Variants in MLC1 observed in about 807,000 individuals in gnomAD.
The protein encoded by MLC1 is modulator of VRAC current 1, also known as membrane protein MLC1.
A neutral mutation model predicts 44.7 loss-of-function variants in MLC1; 32 were observed. The ratio of observed to expected loss-of-function variants is 0.72; its 90% CI spans 0.54 to 0.96. MLC1 has a LOEUF of 0.96. MLC1 is among the 40% of genes least tolerant of loss of function. The pLI is 0.00. For missense variants in MLC1, 459 were observed against 492.2 expected, an observed-to-expected ratio of 0.93 and a Z score of 0.64; for synonymous variants, 190 against 213.0, an observed-to-expected ratio of 0.89 and a Z score of 0.94.
intron 3 of MLC1, among the ~76,000 whole-genome samples, chr22:50,081,123 C>G (rs1569251014): frequency 6.6e-6 from 1 of 151,792 alleles, no homozygotes; most frequent in East Asian, 1.9e-4. Context: ...GCGGGTGGAT[C>G]AGAGTCAGGA....
At chr22:50,070,720 A>G (rs1348847756) in intron 8 of MLC1, 137 bp from the exon 9 acceptor site, 5 of 922,692 alleles carry the variant, frequency 5.4e-6, no homozygotes, top group South Asian at 2.8e-5. Flanking sequence ...GGGATGGTGC[A>G]GTGCCCAAAG....
intron 3 of MLC1, among the ~76,000 whole-genome samples, chr22:50,080,956 G>A (rs141924887): frequency 6.8e-6 from 1 of 146,086 alleles, no homozygotes; most frequent in East Asian, 2.0e-4. Flanking sequence ...CCAGGAGTTC[G>A]AGGCTGCAGT....
intron 7 of MLC1, among the ~76,000 whole-genome samples, chr22:50,075,747 GGAAC>G (rs2061965074): frequency 6.6e-6 from 1 of 151,814 alleles, no homozygotes; most frequent in Non-Finnish European, 1.5e-5. Context: ...GAACGGAAAT[GGAAC>G]CTAAGAGAGG....
chr22:50,072,165 G>A (rs1490628715), intron 8 of MLC1, among the ~76,000 whole-genome samples: 1 of 152,242 alleles, frequency 6.6e-6, no homozygotes, highest in Admixed American at 6.5e-5. Context: ...GGGCCCCAGT[G>A]AGCCATGGGA....
intron 5 of MLC1, among the ~76,000 whole-genome samples, chr22:50,078,690 G>C (rs1342902384): frequency 6.6e-6 from 1 of 150,440 alleles, no homozygotes; most frequent in Non-Finnish European, 1.5e-5. Flanking sequence ...CGTGAGCCGA[G>C]ATGGAGCCAC....
chr22:50,075,902 G>A (rs531528265), intron 7 of MLC1, among the ~76,000 whole-genome samples: 84 of 152,178 alleles, frequency 5.5e-4, no homozygotes, highest in African/African-American at 1.1e-3. Context: ...AGGCCAAGGC[G>A]GAGGGAAGGG....
In MLC1 at chr22:50,074,312, G is replaced by A. The variant is rs1196525130; in HGVS notation, c.618C>T (p.Gly206=). Residue 206 remains glycine (G), a synonymous_variant, in exon 8 of 12, where the codon GGC becomes GGT. Transcript: ENST00000311597. ...TGATCCCCCCGAGGACGGCAGAGATGCCTGCGATTACCTCGACGACCTGGA... is the reference window on the plus strand; with the variant it reads ...TGATCCCCCCGAGGACGGCAGAGATACCTGCGATTACCTCGACGACCTGGA... ...KSYSVVEVIA[G]ISAVLGGIIA... 1 of 1,614,102 alleles carries A rather than the reference G, an allele frequency of 6.2e-7. No homozygotes were observed. Among genetic ancestry groups the A allele is most frequent in the South Asian group, 1.1e-5 (1 of 91,086 alleles).
At chr22:50,073,848 C>T (rs2061917425) in intron 8 of MLC1, among the ~76,000 whole-genome samples, 1 of 152,078 alleles carries the variant, frequency 6.6e-6, no homozygotes, top group Non-Finnish European at 1.5e-5. Context: ...AAAGTAATAA[C>T]AGAAATATGC....
chr22:50,079,110 C>T (rs1362049391), intron 5 of MLC1, among the ~76,000 whole-genome samples: 1 of 152,080 alleles, frequency 6.6e-6, no homozygotes, highest in Non-Finnish European at 1.5e-5. Context: ...ATGGTGAAAC[C>T]TTGTCTGTAC....
At chr22:50,061,986 G>A (rs1428935393) in intron 11 of MLC1, among the ~76,000 whole-genome samples, 1 of 152,212 alleles carries the variant, frequency 6.6e-6, no homozygotes, top group Admixed American at 6.5e-5. Flanking sequence ...CCTGACGGCT[G>A]AGGAAGAAAA....
intron 8 of MLC1, among the ~76,000 whole-genome samples, chr22:50,073,199 A>G (rs2061900130): frequency 2.6e-5 from 4 of 152,246 alleles, no homozygotes; most frequent in Admixed American, 6.5e-5. Flanking sequence ...ACTGCTGCCC[A>G]GGAGGAGCCT....
chr22:50,083,169 C>G lies in MLC1; in HGVS notation c.182G>C (p.Cys61Ser), dbSNP rs1056395452. 14 of 1,614,010 alleles carry G rather than the reference C, an allele frequency of 8.7e-6. No homozygotes were observed. The highest frequency in any genetic ancestry group is 1.2e-5 in the Non-Finnish European group (14 of 1,179,916). Residue 61 changes from cysteine to serine, a missense_variant, in exon 3 of 12, where the codon TGC (cysteine) becomes TCC (serine). Cys to Ser is a moderately radical substitution (Grantham distance 112). Coordinates refer to ENST00000311597, the MANE Select transcript of MLC1 (RefSeq NM_015166.4). The surrounding 1 kb of genome is among the most constrained non-coding windows in gnomAD (Gnocchi z 4.6). Reference protein sequence around the residue: ...TWVFSVLMGSCLLVTSGFSLY... With the variant: ...TWVFSVLMGSSLLVTSGFSLY... ...CGAAAACCCCGAGGTCACCAGGAGG[C>G]AGCTCTGCAAGACAGCGACAGAATC...
chr22:50,062,641 G>T (rs2061596642), intron 11 of MLC1, among the ~76,000 whole-genome samples: 1 of 152,274 alleles, frequency 6.6e-6, no homozygotes, highest in South Asian at 2.1e-4. Context: ...AGGTTCTGAG[G>T]CCGGTGGTGT....
intron 10 of MLC1, among the ~76,000 whole-genome samples, chr22:50,066,704 C>G (rs6010255): frequency 0.24 from 36,378 of 151,440 alleles, 5,404 homozygotes; most frequent in Non-Finnish European, 0.34. Context: ...TTCTAGTATA[C>G]AAGCTATTTT....
chr22:50,081,011 A>C (rs980334041), intron 3 of MLC1, among the ~76,000 whole-genome samples: 1 of 114,870 alleles, frequency 8.7e-6, no homozygotes, highest in African/African-American at 3.4e-5. Context: ...GTCTCAAAAA[A>C]AGAAAGAAAG....
At position 50,083,557 on chromosome 22, in the gene MLC1, A is replaced by G. The variant is rs535541430; in HGVS notation, c.178-384T>C. 5.3e-5 allele frequency among the ~76,000 whole-genome samples: 8 copies of G among 152,326 alleles called. No individual in the cohort carries two copies. The highest frequency in any genetic ancestry group is 5.2e-4 in the Admixed American group (8 of 15,304). ...CACCCAGGTCCAGACACGAGACTGGAAAACAACTGCCCATCCCCCTCCGTC... is the reference window on the plus strand; with the variant it reads ...CACCCAGGTCCAGACACGAGACTGGGAAACAACTGCCCATCCCCCTCCGTC... On this transcript the variant is annotated intron_variant, in intron 2 of 11. Transcript: ENST00000311597. This position sits in a 1 kb window ranked among gnomAD's most constrained non-coding sequence, Gnocchi z 4.6.
At chr22:50,068,628 T>C (rs1180999164) in intron 9 of MLC1, 73 bp from the exon 10 acceptor site, 3 of 659,192 alleles carry the variant, frequency 4.6e-6, no homozygotes, top group Non-Finnish European at 7.2e-6. Context: ...TGGCCAGGGC[T>C]GGGGGGGCGG....
At chr22:50,067,806 A>G (rs113833242) in intron 10 of MLC1, among the ~76,000 whole-genome samples, 6,446 of 64,068 alleles carry the variant, frequency 0.1, 380 homozygotes, top group South Asian at 0.18. Context: ...CCCCCATCAG[A>G]CAGTGACTCC....
rs6010164 is a variant in MLC1 at position 50,076,841 on chromosome 22, T to C, written c.597A>G (p.Ser199=). 205,688 of 1,612,712 alleles carry C rather than the reference T, an allele frequency of 0.13. 13,883 individuals are homozygous for C. The highest frequency in any genetic ancestry group is 0.22 in the South Asian group (20,265 of 91,040). The change falls in exon 7 of 12, where the codon TCA becomes TCG. Residue 199 remains serine (S), a splice_region_variant and synonymous_variant. Transcript: ENST00000311597. ...PFPARVLKSY[S]VVEVIAGISA... ...AGAGAAAGAAGGGAAGTTTTCTTAC[T>C]GAGTAAGATTTCAGGACCCGAGCAG... is the stretch of plus-strand genomic sequence containing the variant.
Sources: allele counts gnomAD v4.1 joint callset (sites outside exome capture counted in the v4.1 genomes callset), GRCh38; gene constraint gnomAD v4.1.1; non-coding constraint Gnocchi (gnomAD v3.1); transcripts MANE v1.5; gene names NCBI Gene and HGNC (gene_info 2026-07-23, HGNC 2026-07-21).